ASB15: variants seen among roughly 807,000 people sequenced by gnomAD.
The protein encoded by ASB15 is ankyrin repeat and SOCS box protein 15.
Under a neutral mutation model 58.0 loss-of-function variants are expected in ASB15, and 54 were observed. The ratio of observed to expected loss-of-function variants is 0.93; its 90% CI spans 0.75 to 1.17. The LOEUF is 1.17. Among genes scored for constraint, ASB15 ranks in the 50% most tolerant of loss-of-function variants. The probability of loss-of-function intolerance (pLI) is 0.00; values close to 1 mark genes in which losing one functional copy is unlikely to be tolerated. For missense variants in ASB15, 680 were observed against 707.4 expected, an observed-to-expected ratio of 0.96 and a Z score of 0.44; for synonymous variants, 249 against 262.4, an observed-to-expected ratio of 0.95 and a Z score of 0.50.
chr7:123,578,164 A>T (rs805781), intron 1 of ASB15, among the ~76,000 whole-genome samples: 31,507 of 149,518 alleles, frequency 0.21, 3,542 homozygotes, highest in East Asian at 0.39. Context: ...ATAAATTTCA[A>T]ATTATAAAAG....
At position 123,637,344 on chromosome 7, in the gene ASB15, C is replaced by G. The variant is rs560103923; in HGVS notation, c.*363C>G. ...GATTCTCCTGTCTTTCACGGTCTTG[C>G]TGTGTAAAAGAGCTCCTCCTGCCTG... is the stretch of plus-strand genomic sequence containing the variant. On this transcript the variant is annotated 3_prime_UTR_variant, in exon 12 of 12. Coordinates refer to ENST00000451215, the MANE Select transcript of ASB15 (RefSeq NM_001290258.2). 1.5e-4 allele frequency: 24 copies of G among 165,012 alleles called. No homozygotes were observed. In the South Asian group the frequency reaches 3.8e-3, roughly 26 times the overall value. The allele number at this position is 165,012 out of a possible 1,614,324, so 10.2% of individuals were successfully genotyped here.
chr7:123,631,950 C>T (rs1286052566), intron 11 of ASB15, among the ~76,000 whole-genome samples: 1 of 151,840 alleles, frequency 6.6e-6, no homozygotes, highest in African/African-American at 2.4e-5. Flanking sequence ...TGCTGGCGGG[C>T]GCCTGTAATC....
At chr7:123,606,432 G>T (rs987465029) in intron 2 of ASB15, among the ~76,000 whole-genome samples, 13 of 152,134 alleles carry the variant, frequency 8.5e-5, no homozygotes, top group African/African-American at 3.1e-4. Context: ...GGCTTTGTAA[G>T]CTTTGCCTCT....
intron 1 of ASB15, among the ~76,000 whole-genome samples, chr7:123,572,706 C>CT (rs571206312): frequency 5.4e-5 from 8 of 147,816 alleles, no homozygotes; most frequent in African/African-American, 1.0e-4. Flanking sequence ...CACTCTATCT[C>CT]TTTTTTTTCA....
intron 2 of ASB15, among the ~76,000 whole-genome samples, chr7:123,607,799 A>G (rs928631135): frequency 3.3e-5 from 5 of 152,182 alleles, no homozygotes; most frequent in Admixed American, 2.0e-4. Flanking sequence ...CTTCCTAGAC[A>G]TAGAATTACA....
chr7:123,575,977 T>A (rs1173362469), intron 1 of ASB15, among the ~76,000 whole-genome samples: 1 of 151,498 alleles, frequency 6.6e-6, no homozygotes, highest in Non-Finnish European at 1.5e-5. Context: ...TTTCAATTCT[T>A]GTTGGCTTCT....
At chr7:123,590,276 A>G (rs13234762) in intron 1 of ASB15, among the ~76,000 whole-genome samples, 111,443 of 152,076 alleles carry the variant, frequency 0.73, 40,990 homozygotes, top group African/African-American at 0.8. Flanking sequence ...TAGGTTGCCC[A>G]TTCACTCTGA....
chr7:123,571,999 G>A (rs966219763), intron 1 of ASB15, among the ~76,000 whole-genome samples: 1 of 151,964 alleles, frequency 6.6e-6, no homozygotes, highest in African/African-American at 2.4e-5. Flanking sequence ...TCTTGCCCAG[G>A]CTAGTCTCAA....
At chr7:123,597,567 C>G (rs929098224), upstream of ASB15, among the ~76,000 whole-genome samples, 3 of 152,168 alleles carry the variant, frequency 2.0e-5, no homozygotes, top group Non-Finnish European at 4.4e-5. Flanking sequence ...CGTGGTGGCT[C>G]ACGCCTGTAA....
intron 2 of ASB15, among the ~76,000 whole-genome samples, chr7:123,604,878 GAAT>G (rs933102884): frequency 4.6e-5 from 7 of 152,122 alleles, no homozygotes; most frequent in Non-Finnish European, 1.0e-4. Context: ...TTCAATCACA[GAAT>G]AATAACAGGT....
upstream of ASB15, among the ~76,000 whole-genome samples, chr7:123,599,278 A>G (rs2116397653): frequency 6.6e-6 from 1 of 152,342 alleles, no homozygotes; most frequent in Non-Finnish European, 1.5e-5. Flanking sequence ...ACACAAAACA[A>G]ACAAAAAATA....
chr7:123,625,052 G>A (rs569273209), intron 8 of ASB15: 9 of 486,588 alleles, frequency 1.8e-5, no homozygotes, highest in South Asian at 9.3e-5. Context: ...TTGCTCTCTC[G>A]AGAGACAGTT....
Position 123,629,431 on chromosome 7 carries a change from C to T in ASB15, c.1437C>T (p.Asn479=). Reference sequence around the variant, plus strand: ...GGACATCTTGTGTAATAAAAGATAACCCGGTGAGTTATGCCTTTTCTGCTT... The same window carrying T: ...GGACATCTTGTGTAATAAAAGATAATCCGGTGAGTTATGCCTTTTCTGCTT... The part of the protein sequence containing the change: ...PGWTSCVIKD[N]PFCEFITVPW... Residue 479 remains asparagine (N), a synonymous_variant, in exon 10 of 12, where the codon AAC becomes AAT. Transcript: ENST00000451215. 6.3e-7 allele frequency: 1 copy of T among 1,599,656 alleles called. No homozygotes were observed. The highest frequency in any genetic ancestry group is 1.1e-5 in the South Asian group (1 of 89,550).
chr7:123,589,929 CCCA>C (rs1392483264), intron 1 of ASB15, among the ~76,000 whole-genome samples: 1 of 152,184 alleles, frequency 6.6e-6, no homozygotes, highest in African/African-American at 2.4e-5. Context: ...AATTTACACT[CCCA>C]CCAACAGTGT....
intron 2 of ASB15, among the ~76,000 whole-genome samples, chr7:123,605,796 A>G (rs1357920090): frequency 2.0e-5 from 3 of 152,170 alleles, no homozygotes; most frequent in Admixed American, 6.5e-5. Context: ...CTAAACTGTG[A>G]GTACATACGG....
At chr7:123,613,429 T>C (rs1292234147) in intron 3 of ASB15, among the ~76,000 whole-genome samples, 2 of 152,228 alleles carry the variant, frequency 1.3e-5, no homozygotes, top group African/African-American at 4.8e-5. Context: ...TTTATTTCTA[T>C]ATTTACTAAA....
At chr7:123,626,140 C>T (rs1411807617) in intron 8 of ASB15, among the ~76,000 whole-genome samples, 1 of 152,210 alleles carries the variant, frequency 6.6e-6, no homozygotes, top group African/African-American at 2.4e-5. Flanking sequence ...TAGGGTCACA[C>T]ACACTGATTG....
At position 123,637,247 on chromosome 7, in the gene ASB15, C is replaced by A; in HGVS notation, c.*266C>A. The A allele has an allele frequency of 4.4e-6, 1 of 228,312 alleles. No homozygotes were observed. Among genetic ancestry groups the A allele is most frequent in the Non-Finnish European group, 8.5e-6 (1 of 117,076 alleles). The allele number at this position is 228,312 out of a possible 1,614,324, so 14.1% of individuals were successfully genotyped here. ...CCCTATCAAGTGGCTCCTACAATAT[C>A]CACAATCAAGTCTCTATGTTTAAAA... is the stretch of plus-strand genomic sequence containing the variant. On this transcript the variant is annotated 3_prime_UTR_variant, in exon 12 of 12. Coordinates refer to ENST00000451215, the MANE Select transcript of ASB15 (RefSeq NM_001290258.2).
chr7:123,624,076 C>A (rs532723660), intron 7 of ASB15, among the ~76,000 whole-genome samples: 15 of 152,016 alleles, frequency 9.9e-5, no homozygotes, highest in Admixed American at 7.9e-4. Flanking sequence ...GGGGAAAAAA[C>A]CCTGTTTCTA....
Sources: allele counts gnomAD v4.1 joint callset (sites outside exome capture counted in the v4.1 genomes callset), GRCh38; gene constraint gnomAD v4.1.1; transcripts MANE v1.5; gene names NCBI Gene and HGNC (gene_info 2026-07-23, HGNC 2026-07-21).